Variants in LAMB3 observed in about 807,000 individuals in gnomAD.
LAMB3 encodes the protein laminin subunit beta 3, also known as laminin subunit beta-3.
Under a neutral mutation model 140.3 loss-of-function variants are expected in LAMB3, and 104 were observed. The observed-to-expected ratio is 0.74, with a 90% CI of 0.63 to 0.87. The LOEUF (loss-of-function observed/expected upper bound fraction) is 0.87, where lower values mean the gene tolerates loss of function less well. Among genes scored for constraint, LAMB3 ranks in the 40% least tolerant of loss-of-function variants. The probability of loss-of-function intolerance (pLI) is 0.00; values close to 1 mark genes in which losing one functional copy is unlikely to be tolerated. For missense variants in LAMB3, 1,531 were observed against 1,575.2 expected (o/e 0.97, Z 0.47); for synonymous variants, 592 against 602.9 (o/e 0.98, Z 0.26).
rs191048490 is a variant in LAMB3 at position 209,639,647 on chromosome 1, A to G, written c.184-999T>C. Among the ~76,000 whole-genome samples, 959 of 151,792 alleles carry G rather than the reference A, an allele frequency of 6.3e-3. 10 individuals are homozygous for G. Among genetic ancestry groups the G allele is most frequent in the African/African-American group, 0.021 (887 of 41,362 alleles). On this transcript the variant is annotated intron_variant, in intron 3 of 22. Transcript: ENST00000356082. The stretch of plus-strand genomic sequence containing the variant: ...CATACACACACACACACACACGCAC[A>G]CGCGTGCACATGCGCACACGCACAC...
At chr1:209,647,071 G>A (rs2076524742) in intron 3 of LAMB3, among the ~76,000 whole-genome samples, 1 of 152,268 alleles carries the variant, frequency 6.6e-6, no homozygotes, top group South Asian at 2.1e-4. Flanking sequence ...GACAGTTAAT[G>A]GGTCATCAAA....
chr1:209,646,428 G>A (rs2076518685), intron 3 of LAMB3, among the ~76,000 whole-genome samples: 1 of 152,196 alleles, frequency 6.6e-6, no homozygotes, highest in South Asian at 2.1e-4. Flanking sequence ...GTGGTTTGGT[G>A]AAGAGCCCTG....
At chr1:209,636,271 C>G (rs926902904) in intron 5 of LAMB3, among the ~76,000 whole-genome samples, 2 of 152,222 alleles carry the variant, frequency 1.3e-5, no homozygotes, top group Non-Finnish European at 2.9e-5. Context: ...GTCCTGTGCA[C>G]TGTAGCCTGG....
intron 14 of LAMB3, among the ~76,000 whole-genome samples, chr1:209,625,149 A>G (rs1170689464): frequency 6.6e-6 from 1 of 152,180 alleles, no homozygotes; most frequent in Non-Finnish European, 1.5e-5. Flanking sequence ...GTGCACAGTC[A>G]GAAAGCCAGT....
intron 3 of LAMB3, among the ~76,000 whole-genome samples, chr1:209,642,121 G>A (rs1308816557): frequency 2.0e-5 from 3 of 152,108 alleles, no homozygotes; most frequent in Non-Finnish European, 4.4e-5. Context: ...AGGATATTAT[G>A]TAACTATTAA....
intron 3 of LAMB3, among the ~76,000 whole-genome samples, chr1:209,643,945 C>T (rs2076493368): frequency 6.6e-6 from 1 of 152,170 alleles, no homozygotes; most frequent in South Asian, 2.1e-4. Context: ...TTCTTCCCTG[C>T]TCTAGCACAT....
chr1:209,642,473 T>G (rs61508346), intron 3 of LAMB3, among the ~76,000 whole-genome samples: 5 of 104,812 alleles, frequency 4.8e-5, no homozygotes, highest in East Asian at 7.7e-4. Context: ...GCTTTTTTGT[T>G]TGTTTGTTTG....
intron 9 of LAMB3, 121 bp downstream of exon 9, chr1:209,630,494 T>C (rs1666639791): frequency 1.8e-6 from 2 of 1,134,660 alleles, no homozygotes; most frequent in Non-Finnish European, 1.3e-6. Flanking sequence ...ATGGTGCAAT[T>C]CAGTTTAGAT....
In LAMB3 at chr1:209,633,082, G is replaced by A. The variant is rs775405524; in HGVS notation, c.616C>T (p.Gln206Ter). The A allele has an allele frequency of 3.1e-6, 5 of 1,610,806 alleles. No individual in the cohort carries two copies. In the African/African-American group the frequency reaches 6.7e-5, roughly 22 times the overall value. The change falls in exon 7 of 23, where the codon CAA (glutamine) becomes TAA (stop). Residue 206 changes from glutamine to a stop codon, truncating the protein, a stop_gained. Coordinates refer to ENST00000356082, the MANE Select transcript of LAMB3 (RefSeq NM_000228.3). LOFTEE classifies it high-confidence loss of function. ...TAACCACACTGACCTTGAATTTTTT[G>A]ACTTTGAGTTGCTGGAATCCCAGAC... ...LVSGIPATQS[Q>*]KIQEVGEITN...
chr1:209,623,394 TG>T lies in LAMB3; in HGVS notation c.2358+110del. The T allele has an allele frequency of 8.6e-7, 1 of 1,158,526 alleles. No individual in the cohort carries two copies. The highest frequency in any genetic ancestry group is 1.3e-6 in the Non-Finnish European group (1 of 776,358). 71.8% of individuals were successfully genotyped at this position (1,158,526 alleles called of 1,614,324 possible). ...ACAAGGGTCGGGATGGCTGGGGGAG[TG>T]GGGTTCTCACAGGGGCAGATCTGCC... On this transcript the variant is annotated intron_variant, in intron 16 of 22. Transcript: ENST00000356082. The surrounding 1 kb of genome is among the most constrained non-coding windows in gnomAD (Gnocchi z 4.2).
At position 209,617,563 on chromosome 1, in the gene LAMB3, T is replaced by G; in HGVS notation, c.3075A>C (p.Ala1025=). 3 of 1,614,110 alleles carry G rather than the reference T, an allele frequency of 1.9e-6. No individual in the cohort carries two copies. The highest frequency in any genetic ancestry group is 2.5e-6 in the Non-Finnish European group (3 of 1,180,020). ...TGGTCATGCTTGTCACCAGCTTTTC[T>G]GCTGGCCGCAGTACCTGCTGAACCT... ...VAEVQQVLRP[A]EKLVTSMTKQ... The change falls in exon 21 of 23, where the codon GCA becomes GCC. Residue 1025 remains alanine (A), a synonymous_variant. Transcript: ENST00000356082.
At chr1:209,617,645 T>C (rs898645090) in intron 20 of LAMB3, 59 bp from the exon 21 acceptor site, 31 of 1,591,408 alleles carry the variant, frequency 1.9e-5, no homozygotes, top group Middle Eastern at 3.6e-4. Flanking sequence ...GGGGGGTTCA[T>C]CCCCATTTTT....
intron 3 of LAMB3, among the ~76,000 whole-genome samples, chr1:209,645,592 T>C (rs1474217911): frequency 6.6e-6 from 1 of 152,088 alleles, no homozygotes; most frequent in Non-Finnish European, 1.5e-5. Flanking sequence ...GGCATATGCC[T>C]GTAATCCCAG....
At chr1:209,630,578 C>T (rs1401807956) in intron 9 of LAMB3, 37 bp downstream of exon 9, 1 of 1,613,696 alleles carries the variant, frequency 6.2e-7, no homozygotes, top group South Asian at 1.1e-5. Flanking sequence ...GCACTCGACC[C>T]AGACCCTACA....
rs1665980224 is a variant in LAMB3, at chr1:209,616,643, T to C, written c.3229-19A>G. 1 of 1,613,640 alleles carries C rather than the reference T, an allele frequency of 6.2e-7. No individual in the cohort carries two copies. Among genetic ancestry groups the C allele is most frequent in the Non-Finnish European group, 8.5e-7 (1 of 1,179,580 alleles). On this transcript the variant is annotated intron_variant, in intron 21 of 22. Transcript: ENST00000356082. Reference sequence around the variant, plus strand: ...CAAATCCCTGAAAAAGGTAGAATAGTCTCAGTGTCATTGTCATCATGCAAG... The same window carrying C: ...CAAATCCCTGAAAAAGGTAGAATAGCCTCAGTGTCATTGTCATCATGCAAG...
At chr1:209,627,303 G>T (rs952806402) in intron 12 of LAMB3, 80 bp downstream of exon 12, 9 of 1,190,772 alleles carry the variant, frequency 7.6e-6, no homozygotes, top group Non-Finnish European at 9.7e-6. Flanking sequence ...TAGAAGGGCA[G>T]CATGGAGGGG....
At position 209,628,131 on chromosome 1, in the gene LAMB3, G is replaced by A; in HGVS notation, c.1192C>T (p.Gln398Ter). The change falls in exon 11 of 23, where the codon CAG (glutamine) becomes TAG (stop). Residue 398 changes from glutamine to a stop codon, truncating the protein, a stop_gained. Transcript: ENST00000356082. LOFTEE classifies it high-confidence loss of function. ...TGCACATGCTCCTTGCACACACACT[G>A]CCCGGTCACTGGGTCACAGGGAGCC... ...PGAPCDPVTG[Q>*]CVCKEHVQGE... 2 of 1,583,180 alleles carry A rather than the reference G, an allele frequency of 1.3e-6. No homozygotes were observed. The highest frequency in any genetic ancestry group is 1.7e-6 in the Non-Finnish European group (2 of 1,163,684).
rs1666510034 is a variant in LAMB3 at position 209,627,504 on chromosome 1, G to T, written c.1364C>A (p.Pro455His). ...DEESGRCLCLPNVVGPKCDQC... is the reference protein window; with the variant it reads ...DEESGRCLCLHNVVGPKCDQC... The stretch of plus-strand genomic sequence containing the variant: ...GTCACATTTGGGACCCACCACGTTG[G>T]GCAGACAAAGGCAGCGCCCACTCTC... Residue 455 changes from proline to histidine, a missense_variant, in exon 12 of 23, where the codon CCC becomes CAC. Coordinates refer to ENST00000356082, the MANE Select transcript of LAMB3 (RefSeq NM_000228.3). 1 of 1,614,056 alleles carries T rather than the reference G, an allele frequency of 6.2e-7. No individual in the cohort carries two copies. The highest frequency in any genetic ancestry group is 8.5e-7 in the Non-Finnish European group (1 of 1,180,000).
rs771819329 is a variant in LAMB3, at chr1:209,637,983, T to C, written c.299-2A>G. ...GCTGCAGAGAGACAGGGTTCACATC[T>C]GGAAGGACAAAAAATAGAAACTGTC... On this transcript the variant is annotated splice_acceptor_variant, in intron 4 of 22. Coordinates refer to ENST00000356082, the MANE Select transcript of LAMB3 (RefSeq NM_000228.3). LOFTEE classifies it high-confidence loss of function. 4 of 1,611,932 alleles carry C rather than the reference T, an allele frequency of 2.5e-6. No homozygotes were observed. The highest frequency in any genetic ancestry group is 8.5e-7 in the Non-Finnish European group (1 of 1,178,938).
Sources: gnomAD v4.1 joint callset for allele counts (sites outside exome capture counted in the v4.1 genomes callset) on GRCh38, gnomAD v4.1.1 for gene constraint, Gnocchi (gnomAD v3.1) non-coding constraint, MANE v1.5 for transcripts, NCBI Gene and HGNC (gene_info 2026-07-23, HGNC 2026-07-21) for gene names.